Variants in MFHAS1 observed in about 807,000 individuals in gnomAD.
The protein encoded by MFHAS1 is multifunctional ROCO family signaling regulator 1.
In MFHAS1, 50 loss-of-function variants were observed where a neutral mutation model predicts 70.4. The observed-to-expected ratio is 0.71, with a 90% CI of 0.57 to 0.90. MFHAS1 has a LOEUF of 0.90. MFHAS1 is among the 40% of genes least tolerant of loss of function. MFHAS1 has a pLI of 0.00. For missense variants in MFHAS1, 1,795 were observed against 1,347.6 expected (o/e 1.33, Z -5.20); for synonymous variants, 952 against 620.0 (o/e 1.54, Z -7.96).
chr8:8,889,241 C>CTT (rs1809892587), intron 1 of MFHAS1, among the ~76,000 whole-genome samples: 1 of 152,138 alleles, frequency 6.6e-6, no homozygotes, highest in Non-Finnish European at 1.5e-5. Context: ...CTTAAGACGT[C>CTT]TATAAAACTC....
chr8:8,866,615 G>GCCA (rs1432910537), intron 1 of MFHAS1, among the ~76,000 whole-genome samples: 1 of 152,178 alleles, frequency 6.6e-6, no homozygotes, highest in African/African-American at 2.4e-5. Flanking sequence ...ACTGCAGTCA[G>GCCA]CCAGTAAGGA....
chr8:8,838,605 G>A (rs1807692423), intron 1 of MFHAS1, among the ~76,000 whole-genome samples: 1 of 152,098 alleles, frequency 6.6e-6, no homozygotes, highest in South Asian at 2.1e-4. Context: ...CTGAGGTCAG[G>A]AGTTCAAGAC....
At chr8:8,832,060 GCGCA>G (rs1228392994) in intron 1 of MFHAS1, among the ~76,000 whole-genome samples, 123 of 148,800 alleles carry the variant, frequency 8.3e-4, no homozygotes, top group African/African-American at 3.0e-3. Context: ...GCGCGCGCGC[GCGCA>G]CACACACACA....
At chr8:8,801,890 A>T (rs1322458241) in intron 1 of MFHAS1, among the ~76,000 whole-genome samples, 1 of 152,178 alleles carries the variant, frequency 6.6e-6, no homozygotes, top group Non-Finnish European at 1.5e-5. Flanking sequence ...AGTTCGGAGA[A>T]GGAGAGATTC....
At chr8:8,873,242 AT>A (rs1254172208) in intron 1 of MFHAS1, among the ~76,000 whole-genome samples, 1 of 152,188 alleles carries the variant, frequency 6.6e-6, no homozygotes, top group Non-Finnish European at 1.5e-5. Flanking sequence ...CAGTGAATAT[AT>A]TTTTTAATAG....
At chr8:8,832,627 CTTTTTTTTTTT>C (rs137896964) in intron 1 of MFHAS1, among the ~76,000 whole-genome samples, 2 of 121,922 alleles carry the variant, frequency 1.6e-5, no homozygotes, top group South Asian at 2.6e-4. Flanking sequence ...GAATTTTTTT[CTTTTTTTTTTT>C]TTTTTTTCAA....
rs913320001 is a variant in MFHAS1, at chr8:8,784,794, T to A, written c.*1228A>T. On this transcript the variant is annotated 3_prime_UTR_variant, in exon 3 of 3. Transcript: ENST00000276282. ...CGAAAAACATGTTACTACTGTAGCA[T>A]ATGCTGTTTGGCCCAATTAAAAGTA... The A allele has an allele frequency of 1.3e-5, 2 of 152,234 alleles. No individual in the cohort carries two copies. Among genetic ancestry groups the A allele is most frequent in the Admixed American group, 6.5e-5 (1 of 15,284 alleles). The allele number at this position is 152,234 out of a possible 1,614,324, so 9.4% of individuals were successfully genotyped here.
At chr8:8,884,075 C>G (rs1809652184) in intron 1 of MFHAS1, among the ~76,000 whole-genome samples, 1 of 117,372 alleles carries the variant, frequency 8.5e-6, no homozygotes, top group Non-Finnish European at 1.8e-5. Context: ...CACACACACA[C>G]ACACACAAAA....
chr8:8,823,015 G>C (rs189301064), intron 1 of MFHAS1, among the ~76,000 whole-genome samples: 132 of 152,256 alleles, frequency 8.7e-4, no homozygotes, highest in Middle Eastern at 3.4e-3. Flanking sequence ...ACAGACAGAA[G>C]ACCGGGAAGG....
At chr8:8,802,210 G>T (rs758233373) in intron 1 of MFHAS1, among the ~76,000 whole-genome samples, 5 of 152,148 alleles carry the variant, frequency 3.3e-5, no homozygotes, top group Non-Finnish European at 7.4e-5. Context: ...GGAAATTGAG[G>T]CTCAGATGCA....
chr8:8,890,158 A>G lies in MFHAS1; in HGVS notation c.2901T>C (p.Asn967=). 6.2e-7 allele frequency: 1 copy of G among 1,614,206 alleles called. No individual in the cohort carries two copies. The highest frequency in any genetic ancestry group is 8.5e-7 in the Non-Finnish European group (1 of 1,180,044). Residue 967 remains asparagine (N), a synonymous_variant, in exon 1 of 3, where the codon AAT becomes AAC. Transcript: ENST00000276282. The part of the protein sequence containing the change: ...QAITPLVEEL[N]VLLQEWPGLH... ...GTCCAGGCCATTCCTGAAGTAGGAC[A>G]TTCAGTTCCTCCACCAAGGGGGTTA...
Position 8,877,301 on chromosome 8 carries a change from C to CAAAA in MFHAS1, c.2998+12756_2998+12759dup, listed in dbSNP as rs3989409. Among the ~76,000 whole-genome samples the CAAAA allele has an allele frequency of 1.7e-4, 11 of 63,796 alleles. 1 individual carries two copies. Among genetic ancestry groups the CAAAA allele is most frequent in the African/African-American group, 4.2e-4 (8 of 19,100 alleles). 41.9% of individuals were successfully genotyped at this position (63,796 alleles called of 152,430 possible). A position where few individuals can be genotyped will look rare whatever the true frequency, so the allele number is the denominator to read the frequency against. ...TGGGTGACAGAGTGAGACCCTGCCT[C>CAAAA]AAAAAAAAAAAAAAAAAAACTACGG... On this transcript the variant is annotated intron_variant, in intron 1 of 2. Transcript: ENST00000276282.
At chr8:8,828,385 G>C (rs1234457565) in intron 1 of MFHAS1, among the ~76,000 whole-genome samples, 2 of 152,192 alleles carry the variant, frequency 1.3e-5, no homozygotes, top group Admixed American at 6.5e-5. Context: ...CACATGCCAA[G>C]GCCTCCTTGG....
At chr8:8,869,070 GGAA>G (rs1808970497) in intron 1 of MFHAS1, among the ~76,000 whole-genome samples, 2 of 152,128 alleles carry the variant, frequency 1.3e-5, no homozygotes, top group African/African-American at 4.8e-5. Context: ...AGGAGGAGGA[GGAA>G]GGCAAAAAGA....
At chr8:8,799,868 C>G (rs1248845793) in intron 1 of MFHAS1, among the ~76,000 whole-genome samples, 2 of 152,226 alleles carry the variant, frequency 1.3e-5, no homozygotes, top group African/African-American at 4.8e-5. Context: ...TAAATGTACA[C>G]CTCGTGTAAT....
At chr8:8,831,652 C>T (rs1292898335) in intron 1 of MFHAS1, among the ~76,000 whole-genome samples, 1 of 149,668 alleles carries the variant, frequency 6.7e-6, no homozygotes, top group Non-Finnish European at 1.5e-5. Flanking sequence ...CTCACTCGGT[C>T]GCCCAGGCTG....
chr8:8,791,136 T>TC (rs1805707040), intron 2 of MFHAS1, among the ~76,000 whole-genome samples: 1 of 151,658 alleles, frequency 6.6e-6, no homozygotes, highest in African/African-American at 2.4e-5. Context: ...TTTTTTTTTT[T>TC]TTTTTTTGCT....
intron 1 of MFHAS1, among the ~76,000 whole-genome samples, chr8:8,874,572 G>A (rs941428543): frequency 1.3e-5 from 2 of 151,926 alleles, no homozygotes; most frequent in African/African-American, 4.8e-5. Flanking sequence ...GTTTGGGGAG[G>A]GGTTATGAAA....
chr8:8,867,129 G>C (rs900416006), intron 1 of MFHAS1, among the ~76,000 whole-genome samples: 3 of 152,076 alleles, frequency 2.0e-5, no homozygotes, highest in African/African-American at 7.2e-5. Context: ...ATAGATTAAA[G>C]GAAACAAGAT....
Sources: gnomAD v4.1 joint callset for allele counts (sites outside exome capture counted in the v4.1 genomes callset) on GRCh38, gnomAD v4.1.1 for gene constraint, MANE v1.5 for transcripts, NCBI Gene and HGNC (gene_info 2026-07-23, HGNC 2026-07-21) for gene names.